Variants in SIPA1L3 observed in about 807,000 individuals in gnomAD.
SIPA1L3 encodes the protein signal-induced proliferation-associated 1-like protein 3.
SIPA1L3 carries 59 observed loss-of-function variants against 150.1 expected under a neutral mutation model. That is an observed-to-expected ratio of 0.39 (90% CI 0.32 to 0.49). The LOEUF (loss-of-function observed/expected upper bound fraction) is 0.49, where lower values mean the gene tolerates loss of function less well. Ranked by LOEUF, SIPA1L3 falls within the 20% of genes least tolerant of loss-of-function variation. SIPA1L3 has a pLI of 0.86. For synonymous variants in SIPA1L3, 1,070 were observed against 1,077.6 expected (o/e 0.99, Z 0.14); for missense variants, 2,211 against 2,489.5 (o/e 0.89, Z 2.38).
chr19:38,125,688 A>G (rs1379237802), intron 9 of SIPA1L3, among the ~76,000 whole-genome samples: 1 of 152,150 alleles, frequency 6.6e-6, no homozygotes, highest in African/African-American at 2.4e-5. Context: ...CCCACAGGGT[A>G]CAGATTCCAC....
chr19:38,119,790 C>T lies in SIPA1L3; in HGVS notation c.2776C>T (p.Leu926Phe). The T allele has an allele frequency of 6.2e-7, 1 of 1,613,932 alleles. No homozygotes were observed. The highest frequency in any genetic ancestry group is 8.5e-7 in the Non-Finnish European group (1 of 1,180,034). The change falls in exon 9 of 22, where the codon CTC (leucine) becomes TTC (phenylalanine). Residue 926 changes from leucine (L) to phenylalanine (F), a missense_variant. Transcript: ENST00000222345. The stretch of plus-strand genomic sequence containing the variant: ...TGGCTGGACTCCAGACTCCTCCACA[C>T]TCAAAATCTTCTATGGACGAGGAGA... ...VIGWTPDSST[L>F]KIFYGRGDHI...
chr19:38,094,118 G>A (rs771461887), intron 4 of SIPA1L3, among the ~76,000 whole-genome samples: 2 of 152,104 alleles, frequency 1.3e-5, no homozygotes, highest in Non-Finnish European at 1.5e-5. Context: ...AGTACCAAAC[G>A]CTCATTATTA....
chr19:38,193,265 C>CT (rs1166104403), intron 17 of SIPA1L3, among the ~76,000 whole-genome samples: 1 of 151,172 alleles, frequency 6.6e-6, no homozygotes. Context: ...AGGAGGATCG[C>CT]TTAAGCCCAG....
intron 1 of SIPA1L3, among the ~76,000 whole-genome samples, chr19:38,024,020 AG>A (rs1968444266): frequency 6.7e-6 from 1 of 148,856 alleles, no homozygotes; most frequent in East Asian, 2.1e-4. Flanking sequence ...GGGGAGGGGG[AG>A]GGGGGTGGAC....
At chr19:38,061,298 A>T (rs1224079776) in intron 2 of SIPA1L3, among the ~76,000 whole-genome samples, 1 of 151,452 alleles carries the variant, frequency 6.6e-6, no homozygotes, top group African/African-American at 2.4e-5. Context: ...TCCTGGCCTC[A>T]AGTCATCCGC....
intron 1 of SIPA1L3, among the ~76,000 whole-genome samples, chr19:37,967,273 G>A (rs1599849317): frequency 6.8e-6 from 1 of 147,024 alleles, no homozygotes. Flanking sequence ...TTTTTTTTGA[G>A]ATGGAGTCTT....
intron 1 of SIPA1L3, among the ~76,000 whole-genome samples, chr19:37,951,106 G>T (rs1043106719): frequency 6.6e-6 from 1 of 152,236 alleles, no homozygotes; most frequent in Non-Finnish European, 1.5e-5. Context: ...TTTACCCCAG[G>T]CACTGGGGAT....
At chr19:38,184,331 A>C (rs1446599513) in intron 16 of SIPA1L3, 6 of 152,244 alleles carry the variant, frequency 3.9e-5, no homozygotes, top group Non-Finnish European at 7.3e-5. Flanking sequence ...GGCATGCGCC[A>C]CCAAGCCCGG....
At chr19:38,038,995 T>C (rs1968851362) in intron 2 of SIPA1L3, among the ~76,000 whole-genome samples, 1 of 152,184 alleles carries the variant, frequency 6.6e-6, no homozygotes, top group Admixed American at 6.5e-5. Flanking sequence ...GCAATTCTTA[T>C]ACCTCAGCCT....
At chr19:38,108,411 G>A (rs1306085611) in intron 7 of SIPA1L3, 4 of 152,270 alleles carry the variant, frequency 2.6e-5, no homozygotes, top group East Asian at 3.9e-4. Flanking sequence ...AACGCCTCTC[G>A]GGGTTGTTAA....
At chr19:37,919,998 CTG>C (rs769685937) in intron 1 of SIPA1L3, among the ~76,000 whole-genome samples, 103 of 151,676 alleles carry the variant, frequency 6.8e-4, no homozygotes, top group Non-Finnish European at 1.2e-3. Flanking sequence ...GCATGAGCGA[CTG>C]TGCCTGGCTG....
intron 10 of SIPA1L3, among the ~76,000 whole-genome samples, chr19:38,139,165 C>T (rs1971513061): frequency 6.6e-6 from 1 of 152,164 alleles, no homozygotes; most frequent in South Asian, 2.1e-4. Context: ...CATTGCACTC[C>T]AGCCTGGGTG....
chr19:38,116,390 C>G (rs896353056), intron 8 of SIPA1L3, among the ~76,000 whole-genome samples: 2 of 151,316 alleles, frequency 1.3e-5, no homozygotes, highest in African/African-American at 4.9e-5. Context: ...TGCCTGTAAT[C>G]CCAGCTACTC....
chr19:38,047,364 T>C lies in SIPA1L3; in HGVS notation c.-311+18208T>C, dbSNP rs1188628569. Reference sequence around the variant, plus strand: ...TTGTGTATTGCCTGTCTACACCCTATAGTATAGCCTGTGAGCTCCTGTTTG... The same window carrying C: ...TTGTGTATTGCCTGTCTACACCCTACAGTATAGCCTGTGAGCTCCTGTTTG... On this transcript the variant is annotated intron_variant, in intron 2 of 21. Transcript: ENST00000222345. The surrounding 1 kb of genome is among the most constrained non-coding windows in gnomAD (Gnocchi z 4.7). Among the ~76,000 whole-genome samples, 1 of 152,130 alleles carries C rather than the reference T, an allele frequency of 6.6e-6. No individual in the cohort carries two copies. The highest frequency in any genetic ancestry group is 1.5e-5 in the Non-Finnish European group (1 of 68,018).
intron 6 of SIPA1L3, among the ~76,000 whole-genome samples, chr19:38,102,911 G>A (rs911357221): frequency 1.4e-4 from 22 of 152,068 alleles, no homozygotes; most frequent in Admixed American, 1.2e-3. Flanking sequence ...GATCACCTGA[G>A]GTCAGGAGTT....
intron 15 of SIPA1L3, among the ~76,000 whole-genome samples, chr19:38,168,081 CAAAT>C (rs760343831): frequency 6.6e-6 from 1 of 152,172 alleles, no homozygotes; most frequent in Non-Finnish European, 1.5e-5. Context: ...ATCACTGAGA[CAAAT>C]GAATACGTGT....
intron 1 of SIPA1L3, among the ~76,000 whole-genome samples, chr19:37,988,256 C>A (rs549636357): frequency 1.3e-5 from 2 of 152,106 alleles, no homozygotes; most frequent in African/African-American, 2.4e-5. Flanking sequence ...CAGTGGCTCA[C>A]GCCTGTAATC....
chr19:37,982,297 A>G (rs1017034482), intron 1 of SIPA1L3, among the ~76,000 whole-genome samples: 1 of 152,148 alleles, frequency 6.6e-6, no homozygotes, highest in Non-Finnish European at 1.5e-5. Flanking sequence ...TGGACACTCC[A>G]TTGGCTCCCA....
chr19:37,953,545 TG>T (rs2046783284), intron 1 of SIPA1L3, among the ~76,000 whole-genome samples: 1 of 152,200 alleles, frequency 6.6e-6, no homozygotes, highest in African/African-American at 2.4e-5. Flanking sequence ...TGTGTGTGTG[TG>T]TATGTGTGTG....
Sources: gnomAD v4.1 joint callset for allele counts (sites outside exome capture counted in the v4.1 genomes callset) on GRCh38, gnomAD v4.1.1 for gene constraint, Gnocchi (gnomAD v3.1) non-coding constraint, MANE v1.5 for transcripts, NCBI Gene and HGNC (gene_info 2026-07-23, HGNC 2026-07-21) for gene names.